Variants in RYR1 observed in about 807,000 individuals in gnomAD.
RYR1 encodes ryanodine receptor 1.
Under a neutral mutation model 583.5 loss-of-function variants are expected in RYR1, and 342 were observed. That is an observed-to-expected ratio of 0.59 (90% CI 0.54 to 0.64). The LOEUF is 0.64. RYR1 is among the 30% of genes least tolerant of loss of function. The pLI is 0.00. For missense variants in RYR1, 6,032 were observed against 6,917.2 expected (o/e 0.87, Z 4.54); for synonymous variants, 2,791 against 2,822.5 (o/e 0.99, Z 0.35).
intron 101 of RYR1, among the ~76,000 whole-genome samples, chr19:38,582,391 C>T (rs1435799573): frequency 6.7e-6 from 1 of 149,732 alleles, no homozygotes; most frequent in Non-Finnish European, 1.5e-5. Flanking sequence ...GAGTGAAACT[C>T]CGTCTCAAAA....
In RYR1 at chr19:38,463,727, T is replaced by TG. The variant is rs758740661; in HGVS notation, c.2683-19dup. 3 of 1,606,888 alleles carry TG rather than the reference T, an allele frequency of 1.9e-6. No homozygotes were observed. Among genetic ancestry groups the TG allele is most frequent in the South Asian group, 2.2e-5 (2 of 90,924 alleles). ...GGAAGGAAAGGGGAGCACATGGAGT[T>TG]GACCCTGGGTTTTCTCCAGGTTCGG... is the stretch of plus-strand genomic sequence containing the variant. On this transcript the variant is annotated intron_variant, in intron 21 of 105. Transcript: ENST00000359596.
At chr19:38,477,639 A>G in intron 29 of RYR1, 71 bp from the exon 30 acceptor site, 2 of 1,609,620 alleles carry the variant, frequency 1.2e-6, no homozygotes, top group Non-Finnish European at 1.7e-6. Context: ...AGGGAAACCA[A>G]TTTCGAGTCC....
At position 38,532,488 on chromosome 19, in the gene RYR1, A is replaced by C; in HGVS notation, c.11142-2A>C. On this transcript the variant is annotated splice_acceptor_variant, in intron 76 of 105. Transcript: ENST00000359596. LOFTEE classifies it high-confidence loss of function. ...TGACCACTCCCCTGCTTACTTCCCC[A>C]GCAAACTGGATGAGGATTACCTGTA... 2 of 1,614,102 alleles carry C rather than the reference A, an allele frequency of 1.2e-6. No homozygotes were observed. Among genetic ancestry groups the C allele is most frequent in the Non-Finnish European group, 1.7e-6 (2 of 1,180,018 alleles).
At chr19:38,559,225 CTTCTT>C (rs1286816856) in intron 89 of RYR1, among the ~76,000 whole-genome samples, 3 of 140,332 alleles carry the variant, frequency 2.1e-5, no homozygotes, top group Admixed American at 7.3e-5. Flanking sequence ...GAGAGGTGGG[CTTCTT>C]TTTTTTTTTT....
At chr19:38,582,653 G>C (rs1230699271) in intron 101 of RYR1, among the ~76,000 whole-genome samples, 1 of 151,930 alleles carries the variant, frequency 6.6e-6, no homozygotes, top group African/African-American at 2.4e-5. Context: ...TCTGTGTCAA[G>C]TTTAAAAAAA....
intron 101 of RYR1, 131 bp downstream of exon 101, chr19:38,580,635 C>T (rs775567494): frequency 1.5e-5 from 17 of 1,137,426 alleles, no homozygotes; most frequent in South Asian, 6.5e-5. Flanking sequence ...CGAGGCGGGA[C>T]GATTACTTGA....
chr19:38,547,063 G>T (rs1381451176), intron 88 of RYR1, among the ~76,000 whole-genome samples: 1 of 150,778 alleles, frequency 6.6e-6, no homozygotes, highest in Non-Finnish European at 1.5e-5. Context: ...TTCTGAGACG[G>T]AGTCTCGCTC....
intron 11 of RYR1, 76 bp downstream of exon 11, chr19:38,448,889 G>A: frequency 7.2e-7 from 1 of 1,394,476 alleles, no homozygotes; most frequent in Non-Finnish European, 9.9e-7. Context: ...GCTGCAGTGA[G>A]CTGGTGATCA....
rs763110834 is a variant in RYR1, at chr19:38,502,934, G to A, written c.7890G>A (p.Val2630=). ...QHLLRRLVFD[V]PILNEFAKMP... ...TGTTGCGCCGCCTGGTGTTCGACGTGCCCATCCTCAACGAGTTCGCCAAGA... is the reference window on the plus strand; with the variant it reads ...TGTTGCGCCGCCTGGTGTTCGACGTACCCATCCTCAACGAGTTCGCCAAGA... The change falls in exon 49 of 106, where the codon GTG becomes GTA. Residue 2630 remains valine, a synonymous_variant. Coordinates refer to ENST00000359596, the MANE Select transcript of RYR1 (RefSeq NM_000540.3). 1.2e-6 allele frequency: 2 copies of A among 1,611,340 alleles called. No individual in the cohort carries two copies. The highest frequency in any genetic ancestry group is 1.7e-6 in the Non-Finnish European group (2 of 1,179,988).
intron 35 of RYR1, 150 bp from the exon 36 acceptor site, chr19:38,489,926 G>T: frequency 1.2e-6 from 1 of 816,660 alleles, no homozygotes; most frequent in East Asian, 2.6e-5. Flanking sequence ...CACCATGCTT[G>T]AGGAAGGCAG....
intron 48 of RYR1, 76 bp downstream of exon 48, chr19:38,502,803 G>C: frequency 1.1e-6 from 1 of 871,154 alleles, no homozygotes. Context: ...AGGGGCAGGG[G>C]CAGGGGGAGG....
intron 89 of RYR1, among the ~76,000 whole-genome samples, chr19:38,550,601 C>A (rs572853483): frequency 6.6e-6 from 1 of 152,074 alleles, no homozygotes; most frequent in African/African-American, 2.4e-5. Context: ...TCCTTGACCC[C>A]CTGGGCTCAG....
intron 67 of RYR1, among the ~76,000 whole-genome samples, chr19:38,522,420 A>AG (rs1971263794): frequency 6.6e-6 from 1 of 151,444 alleles, no homozygotes; most frequent in South Asian, 2.1e-4. Context: ...TGGACAACCT[A>AG]GGGAGACCCT....
At position 38,543,364 on chromosome 19, in the gene RYR1, C is replaced by T. The variant is rs1376763642; in HGVS notation, c.11707C>T (p.Arg3903Trp). 3 of 1,614,184 alleles carry T rather than the reference C, an allele frequency of 1.9e-6. No individual in the cohort carries two copies. In the South Asian group the frequency reaches 3.3e-5, roughly 18 times the overall value. ...CTCCCCAGATTTCCAGAACTACCTA[C>T]GGACACAGACAGGGAACACGACCAC... ...GHNNDFQNYL[R>W]TQTGNTTTIN... The change falls in exon 85 of 106, where the codon CGG (arginine) becomes TGG (tryptophan). Residue 3903 changes from arginine to tryptophan, a missense_variant. Physicochemically the swap from Arg to Trp is moderately radical, Grantham distance 101 (BLOSUM62 -3). This residue lies in a region of RYR1 where 1,493 missense variants were observed against 1,715.5 expected (regional missense o/e 0.87). Transcript: ENST00000359596. The surrounding 1 kb of genome is among the most constrained non-coding windows in gnomAD (Gnocchi z 4.4).
rs1181343039 is a variant in RYR1 at position 38,586,695 on chromosome 19, G to A, written c.15021+119G>A. 8.8e-6 allele frequency: 9 copies of A among 1,022,184 alleles called. No individual in the cohort carries two copies. The East Asian group carries it at 2.2e-4, about 25-fold the overall frequency. 63.3% of individuals were successfully genotyped at this position (1,022,184 alleles called of 1,614,324 possible). On this transcript the variant is annotated intron_variant, in intron 105 of 105. Transcript: ENST00000359596. ...ATCAAGGGTTAGGGCTGGGGGCTGG[G>A]CACGGCGGCTCACGCCTGTAATCCC...
chr19:38,536,191 T>G, intron 82 of RYR1, 121 bp downstream of exon 82: 1 of 810,058 alleles, frequency 1.2e-6, no homozygotes, highest in Non-Finnish European at 1.9e-6. Flanking sequence ...TCCCAAGGGC[T>G]CCCTCGGGTC....
rs759517773 is a variant in RYR1, at chr19:38,525,543, G to A, written c.10626+41G>A. 36 of 1,601,470 alleles carry A rather than the reference G, an allele frequency of 2.2e-5. No homozygotes were observed. In the South Asian group the frequency reaches 3.7e-4, roughly 16 times the overall value. ...CGTCCTCGGAACCTTCCAGGATGCCGCCCAGCACCCACTGAACCCCTGGGA... is the reference window on the plus strand; with the variant it reads ...CGTCCTCGGAACCTTCCAGGATGCCACCCAGCACCCACTGAACCCCTGGGA... On this transcript the variant is annotated intron_variant, in intron 71 of 105. Coordinates refer to ENST00000359596, the MANE Select transcript of RYR1 (RefSeq NM_000540.3).
chr19:38,438,131 CCCT>C (rs1600622426), intron 1 of RYR1, among the ~76,000 whole-genome samples: 2 of 151,912 alleles, frequency 1.3e-5, no homozygotes, highest in Non-Finnish European at 2.9e-5. Flanking sequence ...CACCCAGACT[CCCT>C]CCTCTTACCC....
rs1265241873 is a variant in RYR1, at chr19:38,506,557, C to T, written c.8692+11C>T. On this transcript the variant is annotated intron_variant, in intron 56 of 105. Transcript: ENST00000359596. ...AGCTGGAAGCCAAAGGTGAGGGCGC[C>T]CATGCCGCCCCCACGCTACCCCCGT... The T allele has an allele frequency of 1.2e-6, 2 of 1,613,630 alleles. No homozygotes were observed. The highest frequency in any genetic ancestry group is 1.7e-5 in the Admixed American group (1 of 60,016).
Sources: gnomAD v4.1 joint callset for allele counts (sites outside exome capture counted in the v4.1 genomes callset) on GRCh38, gnomAD v4.1.1 for gene constraint, gnomAD v4.1.1 regional missense constraint, Gnocchi (gnomAD v3.1) non-coding constraint, MANE v1.5 for transcripts, NCBI Gene and HGNC (gene_info 2026-07-23, HGNC 2026-07-21) for gene names.